Variants in LAMA4 observed in about 807,000 individuals in gnomAD.
The protein encoded by LAMA4 is laminin subunit alpha-4.
In LAMA4, 127 loss-of-function variants were observed where a neutral mutation model predicts 207.1. The ratio of observed to expected loss-of-function variants is 0.61; its 90% CI spans 0.53 to 0.71. The LOEUF is 0.71. LAMA4 is among the 30% of genes least tolerant of loss of function. LAMA4 has a pLI of 0.00. For synonymous variants in LAMA4, 761 were observed against 816.0 expected (o/e 0.93, Z 1.15); for missense variants, 2,093 against 2,246.5 (o/e 0.93, Z 1.38).
rs1554324462 is a variant in LAMA4, at chr6:112,117,803, A to G, written c.4917T>C (p.Pro1639=). The G allele has an allele frequency of 6.2e-6, 10 of 1,613,804 alleles. No individual in the cohort carries two copies. Among genetic ancestry groups the G allele is most frequent in the Non-Finnish European group, 8.5e-6 (10 of 1,179,794 alleles). ...CTGTTTCCATGGGGCCTTCAAAGCA[A>G]GGGGTCACACTGAATGTCTGAGAAG... The part of the protein sequence containing the change: ...TSASQTFSVT[P]CFEGPMETGT... The change falls in exon 35 of 39, where the codon CCT becomes CCC. Residue 1639 remains proline (P), a synonymous_variant. Coordinates refer to ENST00000230538, the MANE Select transcript of LAMA4 (RefSeq NM_001105206.3). The surrounding 1 kb of genome is among the most constrained non-coding windows in gnomAD (Gnocchi z 4.5).
chr6:112,126,525 A>G (rs1441729121), intron 31 of LAMA4, among the ~76,000 whole-genome samples: 3 of 152,224 alleles, frequency 2.0e-5, no homozygotes, highest in Non-Finnish European at 4.4e-5. Context: ...CACACACAAA[A>G]TTATTTTGTT....
intron 4 of LAMA4, among the ~76,000 whole-genome samples, chr6:112,204,542 A>C (rs1301447295): frequency 2.9e-5 from 4 of 136,870 alleles, no homozygotes; most frequent in African/African-American, 1.5e-4. Flanking sequence ...AGGCTACACA[A>C]CATGTTTATG....
At chr6:112,140,660 A>T in intron 22 of LAMA4, 100 bp downstream of exon 22, 1 of 1,103,860 alleles carries the variant, frequency 9.1e-7, no homozygotes, top group Non-Finnish European at 1.4e-6. Context: ...CTAAGCTCTT[A>T]AAGTGATATC....
chr6:112,244,397 TC>T (rs1786758167), intron 2 of LAMA4, among the ~76,000 whole-genome samples: 1 of 152,134 alleles, frequency 6.6e-6, no homozygotes, highest in Admixed American at 6.5e-5. Flanking sequence ...GACTTCCCCA[TC>T]CCTTTCCTGG....
At chr6:112,180,945 A>G (rs1439149835) in intron 9 of LAMA4, among the ~76,000 whole-genome samples, 2 of 152,148 alleles carry the variant, frequency 1.3e-5, no homozygotes, top group Non-Finnish European at 2.9e-5. Flanking sequence ...TCACATCTCT[A>G]TCTGCCCTCT....
chr6:112,200,730 C>T (rs1330769487), intron 5 of LAMA4, among the ~76,000 whole-genome samples: 2 of 152,148 alleles, frequency 1.3e-5, no homozygotes, highest in Non-Finnish European at 2.9e-5. Flanking sequence ...ATGTCCTTTG[C>T]AGGGACATGG....
intron 2 of LAMA4, chr6:112,253,239 C>T (rs1787589467): frequency 6.1e-6 from 1 of 162,632 alleles, no homozygotes; most frequent in Admixed American, 5.9e-5. Flanking sequence ...GTTCTTAAAT[C>T]ACTTGTTCTG....
Position 112,168,846 on chromosome 6 carries a change from G to C in LAMA4, c.1552-3570C>G, listed in dbSNP as rs113960586. On this transcript the variant is annotated intron_variant, in intron 12 of 38. Transcript: ENST00000230538. The stretch of plus-strand genomic sequence containing the variant: ...ATAAGACTGCAGGAACCACTGGACT[G>C]GAATGAGTAGGCGAGGCACTCTACA... Among the ~76,000 whole-genome samples, 1,287 of 152,284 alleles carry C rather than the reference G, an allele frequency of 8.5e-3. 19 individuals are homozygous for C. Among genetic ancestry groups the C allele is most frequent in the African/African-American group, 0.028 (1,182 of 41,548 alleles).
intron 2 of LAMA4, among the ~76,000 whole-genome samples, chr6:112,230,837 C>T (rs1158113913): frequency 2.0e-5 from 3 of 152,204 alleles, no homozygotes; most frequent in African/African-American, 7.2e-5. Context: ...CTTGGCATTA[C>T]AGAAACACAG....
intron 11 of LAMA4, among the ~76,000 whole-genome samples, chr6:112,173,104 T>C (rs1469566306): frequency 6.6e-6 from 1 of 152,186 alleles, no homozygotes; most frequent in Non-Finnish European, 1.5e-5. Flanking sequence ...ATCCAGATTA[T>C]TAATAATTTT....
intron 2 of LAMA4, chr6:112,253,685 G>C (rs1449338583): frequency 1.4e-5 from 21 of 1,518,028 alleles, no homozygotes; most frequent in Non-Finnish European, 1.9e-5. Flanking sequence ...TCCCCGGTGA[G>C]AGTCTAGCGG....
At position 112,122,065 on chromosome 6, in the gene LAMA4, G is replaced by A. The variant is rs1271756810; in HGVS notation, c.4424C>T (p.Thr1475Ile). 1.2e-6 allele frequency: 2 copies of A among 1,614,012 alleles called. No homozygotes were observed. The highest frequency in any genetic ancestry group is 1.7e-4 in the Middle Eastern group (1 of 6,060). The change falls in exon 32 of 39, where the codon ACA (threonine) becomes ATA (isoleucine). Residue 1475 changes from threonine to isoleucine, a missense_variant. Thr to Ile is a moderately conservative substitution (Grantham distance 89). This residue lies in a region of LAMA4 where 383 missense variants were observed against 437.8 expected (regional missense o/e 0.87). Coordinates refer to ENST00000230538, the MANE Select transcript of LAMA4 (RefSeq NM_001105206.3). ...TTCAAACTCTTGGCGGCTGTTGGCT[G>A]TTCCTCCATATTGATAGGCGTGCTC... The part of the protein sequence containing the change: ...AIEHAYQYGG[T>I]ANSRQEFEHL...
chr6:112,201,537 G>C lies in LAMA4; in HGVS notation c.503+71C>G, dbSNP rs78541224. On this transcript the variant is annotated intron_variant, in intron 5 of 38. Coordinates refer to ENST00000230538, the MANE Select transcript of LAMA4 (RefSeq NM_001105206.3). Reference sequence around the variant, plus strand: ...GGACCCACTGAATGGGAGTATGGCAGAGCTGTTGAGTGTGAGAAACAGAAA... The same window carrying C: ...GGACCCACTGAATGGGAGTATGGCACAGCTGTTGAGTGTGAGAAACAGAAA... The C allele has an allele frequency of 3.1e-3, 3,797 of 1,214,164 alleles. 95 individuals carry two copies. The African/African-American group carries it at 0.052, about 17-fold the overall frequency. The allele number at this position is 1,214,164 out of a possible 1,614,324, so 75.2% of individuals were successfully genotyped here. A position where few individuals can be genotyped will look rare whatever the true frequency, so the allele number is the denominator to read the frequency against.
intron 38 of LAMA4, 59 bp from the exon 39 acceptor site, chr6:112,109,641 T>C: frequency 5.2e-6 from 8 of 1,540,744 alleles, no homozygotes; most frequent in Non-Finnish European, 6.3e-6. Flanking sequence ...AGCCCAAATA[T>C]TACTTCCTGG....
intron 2 of LAMA4, among the ~76,000 whole-genome samples, chr6:112,239,723 T>C (rs1429894698): frequency 6.6e-6 from 1 of 152,168 alleles, no homozygotes; most frequent in Non-Finnish European, 1.5e-5. Flanking sequence ...TCAGACAAAT[T>C]GTTTTATATA....
intron 7 of LAMA4, among the ~76,000 whole-genome samples, chr6:112,188,195 T>A (rs975836651): frequency 6.6e-6 from 1 of 152,254 alleles, no homozygotes; most frequent in Non-Finnish European, 1.5e-5. Flanking sequence ...TGGTGCTCTC[T>A]TCTAGAGACG....
chr6:112,208,424 T>C (rs1417139872), intron 3 of LAMA4, among the ~76,000 whole-genome samples: 1 of 152,168 alleles, frequency 6.6e-6, no homozygotes, highest in Admixed American at 6.5e-5. Context: ...CTCACAACAA[T>C]CCTGAAGTAG....
chr6:112,130,016 G>T lies in LAMA4; in HGVS notation c.3993C>A (p.Ser1331Arg), dbSNP rs192393668. ...PTRYELIVDKSRVGSKNPTKG... is the reference protein window; with the variant it reads ...PTRYELIVDKRRVGSKNPTKG... ...TGGTAGGATTCTTACTCCCAACTCT[G>T]CTTTTATCTACTATCAGTTCATATC... The change falls in exon 30 of 39, where the codon AGC becomes AGA. Residue 1331 changes from serine to arginine, a missense_variant. Coordinates refer to ENST00000230538, the MANE Select transcript of LAMA4 (RefSeq NM_001105206.3). The T allele has an allele frequency of 6.2e-7, 1 of 1,612,824 alleles. No individual in the cohort carries two copies. Among genetic ancestry groups the T allele is most frequent in the Non-Finnish European group, 8.5e-7 (1 of 1,179,466 alleles).
intron 31 of LAMA4, 131 bp downstream of exon 31, chr6:112,128,791 C>T: frequency 1.4e-6 from 1 of 728,914 alleles, no homozygotes; most frequent in Non-Finnish European, 2.3e-6. Context: ...ATATGTGATA[C>T]TGCAAGAATC....
Sources: gnomAD v4.1 joint callset for allele counts (sites outside exome capture counted in the v4.1 genomes callset) on GRCh38, gnomAD v4.1.1 for gene constraint, gnomAD v4.1.1 regional missense constraint, Gnocchi (gnomAD v3.1) non-coding constraint, MANE v1.5 for transcripts, NCBI Gene and HGNC (gene_info 2026-07-23, HGNC 2026-07-21) for gene names.